The following GLIS3 variants were observed in gnomAD, a reference collection of about 807,000 sequenced individuals.
GLIS3 encodes GLIS family zinc finger 3.
A neutral mutation model predicts 78.6 loss-of-function variants in GLIS3; 53 were observed. That is an observed-to-expected ratio of 0.67 (90% CI 0.54 to 0.85). GLIS3 has a LOEUF of 0.85. GLIS3 is among the 40% of genes least tolerant of loss of function. GLIS3 has a pLI of 0.00. For missense variants in GLIS3, 1,703 were observed against 1,231.1 expected (o/e 1.38, Z -5.74); for synonymous variants, 684 against 509.9 (o/e 1.34, Z -4.60).
chr9:4,281,516 C>T (rs1185274845), intron 2 of GLIS3, among the ~76,000 whole-genome samples: 1 of 152,180 alleles, frequency 6.6e-6, no homozygotes, highest in Non-Finnish European at 1.5e-5. Flanking sequence ...GAACTTCATA[C>T]AAAAGGAATC....
the GLIS3 span, among the ~76,000 whole-genome samples, chr9:4,453,143 C>T: frequency 6.6e-6 from 1 of 152,064 alleles, no homozygotes; most frequent in African/African-American, 2.4e-5. Flanking sequence ...CTTCCTTACA[C>T]CTTATACAAA....
intron 2 of GLIS3, among the ~76,000 whole-genome samples, chr9:4,327,803 C>T (rs1310521097): frequency 1.3e-5 from 2 of 152,192 alleles, no homozygotes; most frequent in African/African-American, 4.8e-5. Flanking sequence ...TGGACCTGGG[C>T]CTAACTTCCT....
intron 2 of GLIS3, among the ~76,000 whole-genome samples, chr9:4,326,578 C>T (rs561321277): frequency 2.6e-5 from 4 of 152,018 alleles, no homozygotes; most frequent in Non-Finnish European, 5.9e-5. Flanking sequence ...GTACAGAGTT[C>T]CAGTTTAGGA....
chr9:3,895,056 T>C (rs1445952644), intron 7 of GLIS3, among the ~76,000 whole-genome samples: 1 of 152,230 alleles, frequency 6.6e-6, no homozygotes, highest in Non-Finnish European at 1.5e-5. Context: ...TCATCTTCCA[T>C]ACAGCATTCA....
chr9:3,998,572 T>C (rs1437057656), intron 4 of GLIS3, among the ~76,000 whole-genome samples: 1 of 151,678 alleles, frequency 6.6e-6, no homozygotes, highest in Non-Finnish European at 1.5e-5. Flanking sequence ...TGCAGATTTT[T>C]TGTCCTTAAA....
At chr9:4,088,155 A>G (rs543457948) in intron 4 of GLIS3, among the ~76,000 whole-genome samples, 50 of 152,366 alleles carry the variant, frequency 3.3e-4, no homozygotes, top group African/African-American at 1.0e-3. Context: ...AATAAAGAAG[A>G]AGGGAAAGAA....
chr9:4,017,501 A>G (rs770432790), intron 4 of GLIS3, among the ~76,000 whole-genome samples: 28 of 152,236 alleles, frequency 1.8e-4, no homozygotes, highest in Non-Finnish European at 4.1e-4. Flanking sequence ...CATGAGGGAT[A>G]GAAACCAGGC....
At chr9:3,975,495 G>A (rs1173349345) in intron 4 of GLIS3, among the ~76,000 whole-genome samples, 2 of 151,944 alleles carry the variant, frequency 1.3e-5, no homozygotes. Flanking sequence ...ACAAACCTCT[G>A]GCACTTTTCT....
At chr9:4,009,910 A>G (rs1443738326) in intron 4 of GLIS3, among the ~76,000 whole-genome samples, 1 of 152,192 alleles carries the variant, frequency 6.6e-6, no homozygotes, top group Non-Finnish European at 1.5e-5. Flanking sequence ...CTCAAGTAGT[A>G]GGGGCTTTCA....
At chr9:4,297,019 C>A (rs1414869868) in intron 1 of GLIS3, among the ~76,000 whole-genome samples, 1 of 151,446 alleles carries the variant, frequency 6.6e-6, no homozygotes, top group Non-Finnish European at 1.5e-5. Flanking sequence ...CAAACCTTTA[C>A]AGGTTGCACC....
chr9:4,238,142 T>A (rs1372317310), intron 2 of GLIS3, among the ~76,000 whole-genome samples: 1 of 152,204 alleles, frequency 6.6e-6, no homozygotes, highest in African/African-American at 2.4e-5. Flanking sequence ...CTGGGACTTC[T>A]CGTTCCTACT....
chr9:4,010,631 C>G (rs958762582), intron 4 of GLIS3, among the ~76,000 whole-genome samples: 1 of 152,290 alleles, frequency 6.6e-6, no homozygotes, highest in South Asian at 2.1e-4. Flanking sequence ...TGAAAATCGC[C>G]TGCTTTGGTG....
chr9:4,474,985 A>ATTTTTTTTTTT, the GLIS3 span, among the ~76,000 whole-genome samples: 68 of 114,490 alleles, frequency 5.9e-4, 10 homozygotes, highest in African/African-American at 1.1e-3. Context: ...GACTATGTTA[A>ATTTTTTTTTTT]TTTTTTTTTC....
At chr9:4,332,875 T>C (rs1270216653) in intron 2 of GLIS3, among the ~76,000 whole-genome samples, 2 of 152,230 alleles carry the variant, frequency 1.3e-5, no homozygotes, top group African/African-American at 4.8e-5. Context: ...AGTATCAATA[T>C]TTCTGGGATG....
At chr9:4,386,270 C>G in the GLIS3 span, 5 of 152,128 alleles carry the variant, frequency 3.3e-5, no homozygotes, top group Non-Finnish European at 7.3e-5. Context: ...AAAATTGTGT[C>G]TATACATGTG....
rs915307199 is a variant in GLIS3 at position 3,839,793 on chromosome 9, C to T, written c.2474-10301G>A. Among the ~76,000 whole-genome samples the T allele has an allele frequency of 2.0e-5, 3 of 152,254 alleles. No individual in the cohort carries two copies. The East Asian group carries it at 5.8e-4, about 29-fold the overall frequency. On this transcript the variant is annotated intron_variant, in intron 9 of 10. Transcript: ENST00000381971. ...CACTGCCAGGTTGCAGGCAAAGTTA[C>T]CCAGACTGCATCAACATTTTGGAAA...
chr9:4,297,007 T>C (rs1816588360), intron 1 of GLIS3, among the ~76,000 whole-genome samples: 1 of 151,720 alleles, frequency 6.6e-6, no homozygotes, highest in Non-Finnish European at 1.5e-5. Flanking sequence ...ATTCTTTTTC[T>C]GCAAACCTTT....
chr9:4,477,261 A>C, the GLIS3 span, among the ~76,000 whole-genome samples: 1 of 152,058 alleles, frequency 6.6e-6, no homozygotes, highest in Non-Finnish European at 1.5e-5. Context: ...CACGAGTTTC[A>C]ACATGTGTGA....
intron 2 of GLIS3, among the ~76,000 whole-genome samples, chr9:4,164,484 A>G (rs1479522616): frequency 1.3e-5 from 2 of 152,226 alleles, no homozygotes; most frequent in Non-Finnish European, 2.9e-5. Context: ...AGAGAGTAGC[A>G]CGGAGACGAC....
Sources: allele counts gnomAD v4.1 joint callset (sites outside exome capture counted in the v4.1 genomes callset), GRCh38; gene constraint gnomAD v4.1.1; transcripts MANE v1.5; gene names NCBI Gene and HGNC (gene_info 2026-07-23, HGNC 2026-07-21).